HCN1: variants seen among roughly 807,000 people sequenced by gnomAD.
HCN1 encodes potassium/sodium hyperpolarization-activated cyclic nucleotide-gated channel 1.
Under a neutral mutation model 78.9 loss-of-function variants are expected in HCN1, and 13 were observed. The observed-to-expected ratio is 0.16, with a 90% CI of 0.11 to 0.26. The LOEUF is 0.26. Among genes scored for constraint, HCN1 ranks in the 10% least tolerant of loss-of-function variants. The pLI is 1.00. For missense variants in HCN1, 810 were observed against 1,154.3 expected, an observed-to-expected ratio of 0.70 and a Z score of 4.32; for synonymous variants, 552 against 455.5, an observed-to-expected ratio of 1.21 and a Z score of -2.70.
intron 1 of HCN1, among the ~76,000 whole-genome samples, chr5:45,680,776 G>C (rs377321641): frequency 1.3e-5 from 2 of 151,798 alleles, no homozygotes; most frequent in Non-Finnish European, 2.9e-5. Context: ...AATTAAATAG[G>C]GTTGGTAAAA....
intron 2 of HCN1, among the ~76,000 whole-genome samples, chr5:45,501,598 G>A (rs201420692): frequency 5.3e-5 from 8 of 151,844 alleles, no homozygotes; most frequent in African/African-American, 9.7e-5. Flanking sequence ...CCGCCACCAC[G>A]CCCGGTTAAT....
intron 2 of HCN1, among the ~76,000 whole-genome samples, chr5:45,483,278 T>C (rs922511119): frequency 9.9e-5 from 15 of 152,150 alleles, no homozygotes; most frequent in African/African-American, 3.6e-4. Flanking sequence ...TCTTTTGTTT[T>C]CTGACTTTCT....
At chr5:45,543,393 C>T (rs1444830083) in intron 2 of HCN1, among the ~76,000 whole-genome samples, 1 of 152,018 alleles carries the variant, frequency 6.6e-6, no homozygotes, top group Non-Finnish European at 1.5e-5. Context: ...CTATGATATA[C>T]TATGACTTGC....
intron 2 of HCN1, among the ~76,000 whole-genome samples, chr5:45,569,421 A>C (rs1392690346): frequency 3.3e-5 from 5 of 152,180 alleles, no homozygotes; most frequent in Non-Finnish European, 7.4e-5. Flanking sequence ...TTCTTTTGAG[A>C]AATTCAGAAA....
At position 45,278,050 on chromosome 5, in the gene HCN1, C is replaced by A. The variant is rs143649054; in HGVS notation, c.1619-10797G>T. On this transcript the variant is annotated intron_variant, in intron 6 of 7. Coordinates refer to ENST00000303230, the MANE Select transcript of HCN1 (RefSeq NM_021072.4). Reference sequence around the variant, plus strand: ...CTTCCTGTGATCCCTTACAGTGCTTCTTTTCTTCCTGTGATCCCTTACAAT... The same window carrying A: ...CTTCCTGTGATCCCTTACAGTGCTTATTTTCTTCCTGTGATCCCTTACAAT... Among the ~76,000 whole-genome samples the A allele has an allele frequency of 5.8e-4, 89 of 152,168 alleles. 1 individual carries two copies. In the East Asian group the frequency reaches 9.1e-3, roughly 16 times the overall value.
At chr5:45,389,952 T>G (rs1480587543) in intron 4 of HCN1, among the ~76,000 whole-genome samples, 2 of 152,174 alleles carry the variant, frequency 1.3e-5, no homozygotes, top group African/African-American at 4.8e-5. Context: ...CATTCCAGAA[T>G]TCAAAACTAT....
chr5:45,269,023 G>C (rs962466902), intron 6 of HCN1, among the ~76,000 whole-genome samples: 2 of 152,190 alleles, frequency 1.3e-5, no homozygotes, highest in African/African-American at 4.8e-5. Context: ...ATCTTGTGTG[G>C]AATGCTAAAT....
intron 3 of HCN1, among the ~76,000 whole-genome samples, chr5:45,431,687 G>T (rs1200308805): frequency 6.6e-6 from 1 of 152,126 alleles, no homozygotes; most frequent in Non-Finnish European, 1.5e-5. Context: ...TTATTGACTA[G>T]GGAGTCCTTT....
At chr5:45,690,868 G>C (rs972030364) in intron 1 of HCN1, among the ~76,000 whole-genome samples, 1 of 151,956 alleles carries the variant, frequency 6.6e-6, no homozygotes, top group African/African-American at 2.4e-5. Flanking sequence ...ACTTACAAGA[G>C]ACTCTATTTG....
chr5:45,503,228 C>T (rs959111298), intron 2 of HCN1, among the ~76,000 whole-genome samples: 1 of 152,090 alleles, frequency 6.6e-6, no homozygotes, highest in African/African-American at 2.4e-5. Context: ...TACACAACAC[C>T]ACCTATGATA....
chr5:45,539,927 T>C lies in HCN1; in HGVS notation c.850-77920A>G, dbSNP rs1208099675. ...ATTGTTTTAAATTGTGAGATATATA[T>C]ATATATATATATATATATATATATA... On this transcript the variant is annotated intron_variant, in intron 2 of 7. Transcript: ENST00000303230. Among the ~76,000 whole-genome samples, 11 of 8,588 alleles carry C rather than the reference T, an allele frequency of 1.3e-3. No individual in the cohort carries two copies. In the Non-Finnish European group the frequency reaches 0.027, roughly 21 times the overall value. The allele number at this position is 8,588 out of a possible 152,430, so 5.6% of individuals were successfully genotyped here.
rs1014949218 is a variant in HCN1, at chr5:45,402,240, T to C, written c.1012-5530A>G. Among the ~76,000 whole-genome samples the C allele has an allele frequency of 2.0e-5, 3 of 152,244 alleles. No homozygotes were observed. The East Asian group carries it at 5.8e-4, about 29-fold the overall frequency. The stretch of plus-strand genomic sequence containing the variant: ...TTTTCAGTACAAAACGGGAAGCCAA[T>C]GAAAACTTGTGAGCAGAGAATGATA... On this transcript the variant is annotated intron_variant, in intron 3 of 7. Transcript: ENST00000303230.
chr5:45,335,716 T>A (rs144502915), intron 5 of HCN1, among the ~76,000 whole-genome samples: 1 of 152,120 alleles, frequency 6.6e-6, no homozygotes, highest in Non-Finnish European at 1.5e-5. Flanking sequence ...TAAATTCTAC[T>A]GTGTACTTAC....
chr5:45,627,359 T>C (rs1235474832), intron 2 of HCN1, among the ~76,000 whole-genome samples: 3 of 152,196 alleles, frequency 2.0e-5, no homozygotes, highest in Non-Finnish European at 2.9e-5. Flanking sequence ...TGATTGCATG[T>C]GATCAGTTTG....
At chr5:45,421,259 T>C (rs1740221837) in intron 3 of HCN1, among the ~76,000 whole-genome samples, 1 of 152,110 alleles carries the variant, frequency 6.6e-6, no homozygotes, top group Admixed American at 6.5e-5. Context: ...AGACTGGGTT[T>C]CACTGTGTTA....
chr5:45,255,754 A>G lies in HCN1; in HGVS notation c.*6167T>C, dbSNP rs1029286906. ...TTGGGTTATGTTCTTTCTTCCTTCAAAAGTAAATCTTTCCTTTCTCAGGAG... is the reference window on the plus strand; with the variant it reads ...TTGGGTTATGTTCTTTCTTCCTTCAGAAGTAAATCTTTCCTTTCTCAGGAG... On this transcript the variant is annotated 3_prime_UTR_variant, in exon 8 of 8. Coordinates refer to ENST00000303230, the MANE Select transcript of HCN1 (RefSeq NM_021072.4). The G allele has an allele frequency of 6.6e-6, 1 of 152,190 alleles. No homozygotes were observed. Among genetic ancestry groups the G allele is most frequent in the African/African-American group, 2.4e-5 (1 of 41,444 alleles). 9.4% of individuals were successfully genotyped at this position (152,190 alleles called of 1,614,324 possible). A position where few individuals can be genotyped will look rare whatever the true frequency, so the allele number is the denominator to read the frequency against.
rs911836025 is a variant in HCN1, at chr5:45,671,258, A to G, written c.425+24411T>C. Among the ~76,000 whole-genome samples the G allele has an allele frequency of 5.3e-5, 8 of 151,502 alleles. No individual in the cohort carries two copies. In the Admixed American group the frequency reaches 5.3e-4, roughly 10 times the overall value. On this transcript the variant is annotated intron_variant, in intron 1 of 7. Coordinates refer to ENST00000303230, the MANE Select transcript of HCN1 (RefSeq NM_021072.4). Reference sequence around the variant, plus strand: ...CCCACCTGTCATTAAGGTCCAGCTCAAATGTCATATCCCTTCACTAGTTCT... The same window carrying G: ...CCCACCTGTCATTAAGGTCCAGCTCGAATGTCATATCCCTTCACTAGTTCT...
chr5:45,394,302 G>T (rs1276850058), intron 4 of HCN1, among the ~76,000 whole-genome samples: 1 of 152,092 alleles, frequency 6.6e-6, no homozygotes, highest in African/African-American at 2.4e-5. Flanking sequence ...ATGCATGAGT[G>T]CTTCTCTGTG....
At chr5:45,678,009 CACACAT>C (rs909504521) in intron 1 of HCN1, among the ~76,000 whole-genome samples, 1 of 105,648 alleles carries the variant, frequency 9.5e-6, no homozygotes, top group African/African-American at 3.6e-5. Flanking sequence ...CACACACACA[CACACAT>C]ACACACACAC....
Sources: allele counts gnomAD v4.1 joint callset (sites outside exome capture counted in the v4.1 genomes callset), GRCh38; gene constraint gnomAD v4.1.1; transcripts MANE v1.5; gene names NCBI Gene and HGNC (gene_info 2026-07-23, HGNC 2026-07-21).